Variants in CLN6 observed in about 807,000 individuals in gnomAD.
CLN6 encodes ceroid-lipofuscinosis neuronal protein 6.
CLN6 carries 22 observed loss-of-function variants against 33.3 expected under a neutral mutation model. The ratio of observed to expected loss-of-function variants is 0.66; its 90% CI spans 0.47 to 0.94. The LOEUF is 0.94. Ranked by LOEUF, CLN6 falls within the 40% of genes least tolerant of loss-of-function variation. The pLI is 0.00. For synonymous variants in CLN6, 201 were observed against 174.6 expected (o/e 1.15, Z -1.19); for missense variants, 387 against 417.1 (o/e 0.93, Z 0.63).
In CLN6 at chr15:68,219,403, C is replaced by G. The variant is rs750895006; in HGVS notation, c.84-753G>C. ...TGCTGGTAATCCTCTTCTCAGCAGT[C>G]CACAGTAGAACCTGAGAAGGAGCCA... On this transcript the variant is annotated intron_variant, in intron 1 of 6. Coordinates refer to ENST00000249806, the MANE Select transcript of CLN6 (RefSeq NM_017882.3). The surrounding 1 kb of genome is among the most constrained non-coding windows in gnomAD (Gnocchi z 4.2). Among the ~76,000 whole-genome samples, 2 of 152,114 alleles carry G rather than the reference C, an allele frequency of 1.3e-5. No homozygotes were observed. Among genetic ancestry groups the G allele is most frequent in the Admixed American group, 6.5e-5 (1 of 15,270 alleles).
upstream of CLN6, among the ~76,000 whole-genome samples, chr15:68,233,990 A>G (rs937157482): frequency 2.6e-5 from 4 of 152,150 alleles, no homozygotes; most frequent in African/African-American, 7.2e-5. The surrounding 1 kb of genome is among the most constrained non-coding windows in gnomAD (Gnocchi z 4.3). Context: ...TTTAATTCAG[A>G]TTCTTGTGGT....
At chr15:68,232,127 T>A (rs1480810120), upstream of CLN6, among the ~76,000 whole-genome samples, 1 of 151,528 alleles carries the variant, frequency 6.6e-6, no homozygotes, top group Non-Finnish European at 1.5e-5. This position sits in a 1 kb window ranked among gnomAD's most constrained non-coding sequence, Gnocchi z 4.7. Flanking sequence ...TAGTAGAGGT[T>A]CCCACTACTT....
chr15:68,208,168 T>C lies in CLN6; in HGVS notation c.908A>G (p.Tyr303Cys), dbSNP rs564353601. ...VIYVPEPWAFYTLHVSSRH is the reference protein window; with the variant it reads ...VIYVPEPWAFCTLHVSSRH ...GTGCCGACTGCTGACGTGAAGGGTG[T>C]AGAAAGCCCAGGGCTCAGGGACGTA... The change falls in exon 7 of 7, where the codon TAC becomes TGC. Residue 303 changes from tyrosine (Y) to cysteine (C), a missense_variant. Physicochemically the swap from Tyr to Cys is radical, Grantham distance 194. Coordinates refer to ENST00000249806, the MANE Select transcript of CLN6 (RefSeq NM_017882.3). This position sits in a 1 kb window ranked among gnomAD's most constrained non-coding sequence, Gnocchi z 5.8. The C allele has an allele frequency of 6.6e-7, 1 of 1,513,520 alleles. No individual in the cohort carries two copies. The highest frequency in any genetic ancestry group is 8.9e-7 in the Non-Finnish European group (1 of 1,120,260). 93.8% of individuals were successfully genotyped at this position (1,513,520 alleles called of 1,614,324 possible).
chr15:68,211,273 G>A lies in CLN6; in HGVS notation c.532C>T (p.His178Tyr). Residue 178 changes from histidine (H) to tyrosine (Y), a missense_variant, in exon 5 of 7, where the codon CAC becomes TAC. His to Tyr is a moderately conservative substitution (Grantham distance 83). Transcript: ENST00000249806. The surrounding 1 kb of genome is among the most constrained non-coding windows in gnomAD (Gnocchi z 5.9). ...LLYYYDEYLGHCMWYIPFFLI... is the reference protein window; with the variant it reads ...LLYYYDEYLGYCMWYIPFFLI... ...GGGCCCATCACTCACCACATGCAGTGACCCAGGTACTCATCATAATAGTAG... is the reference window on the plus strand; with the variant it reads ...GGGCCCATCACTCACCACATGCAGTAACCCAGGTACTCATCATAATAGTAG... The A allele has an allele frequency of 6.2e-7, 1 of 1,613,984 alleles. No homozygotes were observed. The highest frequency in any genetic ancestry group is 8.5e-7 in the Non-Finnish European group (1 of 1,179,978).
intron 1 of CLN6, among the ~76,000 whole-genome samples, chr15:68,239,946 T>G (rs1892266431): frequency 6.6e-6 from 1 of 152,084 alleles, no homozygotes; most frequent in Non-Finnish European, 1.5e-5. Context: ...TAGAAGTGCA[T>G]AAAAGAAAAA....
At position 68,210,039 on chromosome 15, in the gene CLN6, TG is replaced by T. The variant is rs1348945817; in HGVS notation, c.543-281del. ...TCACTCCGTGGGGGTAAGGGGTGTC[TG>T]GGGGGTTGTCTGTCTCATGCACCGC... On this transcript the variant is annotated intron_variant, in intron 5 of 6. Transcript: ENST00000249806. This position sits in a 1 kb window ranked among gnomAD's most constrained non-coding sequence, Gnocchi z 5.6. 6.6e-6 allele frequency among the ~76,000 whole-genome samples: 1 copy of T among 152,074 alleles called. No individual in the cohort carries two copies. The highest frequency in any genetic ancestry group is 2.4e-5 in the African/African-American group (1 of 41,400).
chr15:68,257,027 G>C (rs1201418575), exon 1 of CLN6: 3 of 520,392 alleles, frequency 5.8e-6, no homozygotes, highest in Non-Finnish European at 1.0e-5. Context: ...CGCAGAGGTC[G>C]CAATACCGCT....
At chr15:68,214,759 TG>T (rs2093216004) in intron 2 of CLN6, 1 of 337,314 alleles carries the variant, frequency 3.0e-6, no homozygotes, top group Non-Finnish European at 5.8e-6. Flanking sequence ...TGGGTGACCC[TG>T]GGCTAATACT....
chr15:68,237,214 C>T (rs1263937538), intron 1 of CLN6, among the ~76,000 whole-genome samples: 2 of 146,312 alleles, frequency 1.4e-5, no homozygotes, highest in Non-Finnish European at 3.0e-5. Flanking sequence ...GGCACAATGG[C>T]TCATACCTGT....
At chr15:68,214,112 C>T (rs1310405459) in intron 3 of CLN6, 178 bp downstream of exon 3, 1 of 599,476 alleles carries the variant, frequency 1.7e-6, no homozygotes, top group Admixed American at 2.8e-5. Flanking sequence ...CTCCAGGCCA[C>T]CGGCAGCTCC....
intron 1 of CLN6, among the ~76,000 whole-genome samples, chr15:68,253,048 T>C (rs1892395482): frequency 6.6e-6 from 1 of 152,236 alleles, no homozygotes; most frequent in South Asian, 2.1e-4. Context: ...ATTTGTTCTT[T>C]TGATGTATCA....
chr15:68,239,976 G>A (rs1049567279), intron 1 of CLN6, among the ~76,000 whole-genome samples: 2 of 152,146 alleles, frequency 1.3e-5, no homozygotes, highest in African/African-American at 4.8e-5. Flanking sequence ...CATCCACTAG[G>A]TTTTGGAAAT....
chr15:68,226,713 T>A (rs12594879), intron 1 of CLN6, among the ~76,000 whole-genome samples: 1 of 152,138 alleles, frequency 6.6e-6, no homozygotes, highest in Middle Eastern at 3.2e-3. Context: ...GATCCGCCCA[T>A]CTCGGCCTCC....
intron 1 of CLN6, among the ~76,000 whole-genome samples, chr15:68,245,692 T>C (rs1206540925): frequency 6.6e-6 from 1 of 152,312 alleles, no homozygotes; most frequent in East Asian, 1.9e-4. Flanking sequence ...TTAAGTTTAA[T>C]TGGAGAATTC....
At position 68,246,815 on chromosome 15, in the gene CLN6, G is replaced by A. The variant is rs1391334584; in HGVS notation, c.179+9875C>T. Among the ~76,000 whole-genome samples, 1 of 152,042 alleles carries A rather than the reference G, an allele frequency of 6.6e-6. No individual in the cohort carries two copies. The highest frequency in any genetic ancestry group is 6.6e-5 in the Admixed American group (1 of 15,262). On this transcript the variant is annotated intron_variant, in intron 1 of 6. Transcript: ENST00000538696. The surrounding 1 kb of genome is among the most constrained non-coding windows in gnomAD (Gnocchi z 4.5). ...TTTGAAAAGATAAACAAAATTAACA[G>A]ACCATTAACTAGGCTAAGATAAAAG...
Position 68,208,008 on chromosome 15 carries a change from G to T in CLN6, c.*132C>A. The T allele has an allele frequency of 1.1e-6, 1 of 898,044 alleles. No homozygotes were observed. Among genetic ancestry groups the T allele is most frequent in the Non-Finnish European group, 1.7e-6 (1 of 574,590 alleles). The allele number at this position is 898,044 out of a possible 1,614,324, so 55.6% of individuals were successfully genotyped here. A position where few individuals can be genotyped will look rare whatever the true frequency, so the allele number is the denominator to read the frequency against. ...CACACACACACACACACGAATCCAC[G>T]CACACGAGGCACACCCCACTCATGC... On this transcript the variant is annotated 3_prime_UTR_variant, in exon 7 of 7. Transcript: ENST00000249806. This position sits in a 1 kb window ranked among gnomAD's most constrained non-coding sequence, Gnocchi z 5.8.
At chr15:68,238,652 A>G (rs904090191) in intron 1 of CLN6, among the ~76,000 whole-genome samples, 1 of 152,210 alleles carries the variant, frequency 6.6e-6, no homozygotes, top group African/African-American at 2.4e-5. Context: ...AAATAGAAAC[A>G]TGAAGGTGAA....
rs1892221999 is a variant in CLN6 at position 68,236,725 on chromosome 15, G to C, written c.180-18075C>G. 6.6e-6 allele frequency among the ~76,000 whole-genome samples: 1 copy of C among 152,166 alleles called. No individual in the cohort carries two copies. The highest frequency in any genetic ancestry group is 1.5e-5 in the Non-Finnish European group (1 of 68,012). On this transcript the variant is annotated intron_variant, in intron 1 of 6. Transcript: ENST00000538696. The surrounding 1 kb of genome is among the most constrained non-coding windows in gnomAD (Gnocchi z 4.5). ...ACTGAATTATATACTTCAAAAGGGT[G>C]AATTTTATGACAAGTGAATTTTATC...
intron 1 of CLN6, among the ~76,000 whole-genome samples, chr15:68,253,460 T>C (rs77871852): frequency 0.049 from 7,478 of 152,340 alleles, 221 homozygotes; most frequent in South Asian, 0.088. Context: ...ATTAATAACA[T>C]GGAGCGGGAG....
Sources: allele counts gnomAD v4.1 joint callset (sites outside exome capture counted in the v4.1 genomes callset), GRCh38; gene constraint gnomAD v4.1.1; non-coding constraint Gnocchi (gnomAD v3.1); transcripts MANE v1.5; gene names NCBI Gene and HGNC (gene_info 2026-07-23, HGNC 2026-07-21).